The following ALX1 variants were observed in gnomAD, a reference collection of about 807,000 sequenced individuals.
ALX1 encodes ALX homeobox protein 1.
In ALX1, 19 loss-of-function variants were observed where a neutral mutation model predicts 31.7. The observed-to-expected ratio is 0.60, with a 90% CI of 0.42 to 0.88. The LOEUF (loss-of-function observed/expected upper bound fraction) is 0.88. Ranked by LOEUF, ALX1 falls within the 40% of genes least tolerant of loss-of-function variation. The pLI, the probability that ALX1 is intolerant of heterozygous loss-of-function variation, is 0.00. For missense variants in ALX1, 415 were observed against 407.8 expected (o/e 1.02, Z -0.15); for synonymous variants, 153 against 148.8 (o/e 1.03, Z -0.20).
In ALX1 at chr12:85,286,848, A is replaced by G; in HGVS notation, c.532-5A>G. On this transcript the variant is annotated splice_region_variant and splice_polypyrimidine_tract_variant and intron_variant, in intron 2 of 3. Coordinates refer to ENST00000316824, the MANE Select transcript of ALX1 (RefSeq NM_006982.3). ...CTAAAATTCTAATTTTTATTAAATAATTAGGTTTGGTTTCAAAATCGAAGG... is the reference window on the plus strand; with the variant it reads ...CTAAAATTCTAATTTTTATTAAATAGTTAGGTTTGGTTTCAAAATCGAAGG... 6.3e-7 allele frequency: 1 copy of G among 1,589,938 alleles called. No homozygotes were observed. Among genetic ancestry groups the G allele is most frequent in the Non-Finnish European group, 8.6e-7 (1 of 1,165,896 alleles).
In ALX1 at chr12:85,298,897, G is replaced by T. The variant is rs190650624; in HGVS notation, c.661-2258G>T. Among the ~76,000 whole-genome samples, 256 of 151,598 alleles carry T rather than the reference G, an allele frequency of 1.7e-3. 2 individuals are homozygous for T. The highest frequency in any genetic ancestry group is 5.8e-3 in the African/African-American group (242 of 41,426). On this transcript the variant is annotated intron_variant, in intron 3 of 3. Transcript: ENST00000316824. ...CTACAGAATATTTTTCAATTTATAG[G>T]TAGATTTATGTTAATTATGTTAGGG...
At chr12:85,287,368 T>G (rs1462014751) in intron 3 of ALX1, among the ~76,000 whole-genome samples, 1 of 151,576 alleles carries the variant, frequency 6.6e-6, no homozygotes, top group African/African-American at 2.4e-5. Context: ...CTGTGGATAT[T>G]GTTTTATGAA....
chr12:85,295,784 GGA>G (rs1489106858), intron 3 of ALX1, among the ~76,000 whole-genome samples: 1 of 151,474 alleles, frequency 6.6e-6, no homozygotes, highest in Non-Finnish European at 1.5e-5. Context: ...GTTGGTGGCA[GGA>G]GATAGGAGCA....
chr12:85,299,781 G>A (rs889276794), intron 3 of ALX1, among the ~76,000 whole-genome samples: 1 of 151,792 alleles, frequency 6.6e-6, no homozygotes, highest in Non-Finnish European at 1.5e-5. Context: ...AGTTGCCATA[G>A]AAAGTACAAC....
chr12:85,289,841 A>G (rs535523921), intron 3 of ALX1, among the ~76,000 whole-genome samples: 13 of 151,392 alleles, frequency 8.6e-5, no homozygotes, highest in Admixed American at 2.0e-4. Flanking sequence ...GTCTCTCAAG[A>G]GTTAGCCTAA....
At chr12:85,297,665 C>T (rs1451190588) in intron 3 of ALX1, among the ~76,000 whole-genome samples, 3 of 151,340 alleles carry the variant, frequency 2.0e-5, no homozygotes, top group Non-Finnish European at 4.4e-5. Context: ...GTAGTGTTTC[C>T]TAATTTCAAT....
intron 2 of ALX1, 134 bp from the exon 3 acceptor site, chr12:85,286,719 T>A: frequency 1.2e-6 from 1 of 861,130 alleles, no homozygotes; most frequent in South Asian, 1.9e-5. Context: ...GTGGATCCTT[T>A]TCTAACATAA....
intron 3 of ALX1, among the ~76,000 whole-genome samples, chr12:85,299,464 A>T (rs1003640531): frequency 2.8e-4 from 43 of 151,392 alleles, no homozygotes; most frequent in Non-Finnish European, 4.4e-4. Flanking sequence ...TATATATATA[A>T]AATATATATG....
intron 3 of ALX1, among the ~76,000 whole-genome samples, chr12:85,290,754 T>C (rs918528678): frequency 1.3e-5 from 2 of 151,054 alleles, no homozygotes; most frequent in Non-Finnish European, 3.0e-5. Flanking sequence ...GCATTCTCAT[T>C]GCTTGGGATG....
chr12:85,287,793 A>C (rs985165896), intron 3 of ALX1, among the ~76,000 whole-genome samples: 1 of 151,380 alleles, frequency 6.6e-6, no homozygotes. Context: ...ATGAAAAAAA[A>C]CCTACGTTAT....
chr12:85,295,979 T>C (rs1896883061), intron 3 of ALX1, among the ~76,000 whole-genome samples: 1 of 151,648 alleles, frequency 6.6e-6, no homozygotes, highest in Non-Finnish European at 1.5e-5. Flanking sequence ...TATTAGGATA[T>C]TGACTATAAA....
In ALX1 at chr12:85,281,710, A is replaced by G. The variant is rs185067343; in HGVS notation, c.226+1223A>G. ...AATAATCAGCTAAGTCGTTTCAGTC[A>G]TTTATTTAGAAAGATTCGAGCGTAT... is the stretch of plus-strand genomic sequence containing the variant. On this transcript the variant is annotated intron_variant, in intron 1 of 3. Transcript: ENST00000316824. 9.7e-4 allele frequency among the ~76,000 whole-genome samples: 148 copies of G among 152,356 alleles called. 1 individual carries two copies. The highest frequency in any genetic ancestry group is 1.0e-4 in the Non-Finnish European group (7 of 68,022).
intron 3 of ALX1, among the ~76,000 whole-genome samples, chr12:85,297,762 A>G (rs1176220035): frequency 6.6e-6 from 1 of 151,658 alleles, no homozygotes; most frequent in Non-Finnish European, 1.5e-5. Context: ...AGAGTCTCCA[A>G]GGATATGTAT....
chr12:85,293,740 T>C (rs933114837), intron 3 of ALX1, among the ~76,000 whole-genome samples: 3 of 151,076 alleles, frequency 2.0e-5, no homozygotes, highest in Non-Finnish European at 4.5e-5. Context: ...CTTATACATA[T>C]AAAAACCTCA....
At chr12:85,296,933 C>T (rs541122351) in intron 3 of ALX1, among the ~76,000 whole-genome samples, 1 of 151,538 alleles carries the variant, frequency 6.6e-6, no homozygotes, top group Non-Finnish European at 1.5e-5. Context: ...TTTTTACTTC[C>T]AAAATTGAAC....
chr12:85,291,152 T>G (rs1896812942), intron 3 of ALX1, among the ~76,000 whole-genome samples: 1 of 151,176 alleles, frequency 6.6e-6, no homozygotes, highest in South Asian at 2.1e-4. Context: ...TTTCCTCAAT[T>G]TCTTCCTCTG....
At chr12:85,280,821 T>C (rs1593046285) in intron 1 of ALX1, among the ~76,000 whole-genome samples, 3 of 152,008 alleles carry the variant, frequency 2.0e-5, no homozygotes, top group African/African-American at 4.8e-5. Flanking sequence ...TAGAGCGTAA[T>C]TGAGTCAAGA....
chr12:85,293,043 T>C (rs1422765818), intron 3 of ALX1, among the ~76,000 whole-genome samples: 2 of 150,788 alleles, frequency 1.3e-5, no homozygotes, highest in African/African-American at 4.8e-5. Context: ...GTGAAAATTC[T>C]TGTATGACTT....
intron 1 of ALX1, 63 bp downstream of exon 1, chr12:85,280,550 G>T (rs1896656189): frequency 1.3e-6 from 2 of 1,535,688 alleles, no homozygotes; most frequent in Non-Finnish European, 1.8e-6. Context: ...ATGCAGGATC[G>T]GTCTGATCAG....
Sources: gnomAD v4.1 joint callset for allele counts (sites outside exome capture counted in the v4.1 genomes callset) on GRCh38, gnomAD v4.1.1 for gene constraint, MANE v1.5 for transcripts, NCBI Gene and HGNC (gene_info 2026-07-23, HGNC 2026-07-21) for gene names.